Variants in CACNA1D observed in about 807,000 individuals in gnomAD.
The protein encoded by CACNA1D is voltage-dependent L-type calcium channel subunit alpha-1D.
CACNA1D carries 55 observed loss-of-function variants against 257.1 expected under a neutral mutation model. The observed-to-expected ratio is 0.21, with a 90% CI of 0.17 to 0.27. The LOEUF is 0.27. Among genes scored for constraint, CACNA1D ranks in the 10% least tolerant of loss-of-function variants. The pLI, the probability that CACNA1D is intolerant of heterozygous loss-of-function variation, is 1.00. For synonymous variants in CACNA1D, 980 were observed against 1,014.9 expected (o/e 0.97, Z 0.65); for missense variants, 1,876 against 2,784.0 (o/e 0.67, Z 7.34).
At chr3:53,739,339 T>C (rs963666681) in intron 20 of CACNA1D, among the ~76,000 whole-genome samples, 12 of 152,214 alleles carry the variant, frequency 7.9e-5, no homozygotes, top group Non-Finnish European at 1.8e-4. Context: ...CCATAGATCA[T>C]AGTTGTCATG....
intron 32 of CACNA1D, among the ~76,000 whole-genome samples, chr3:53,771,369 G>A (rs1212316913): frequency 6.6e-6 from 1 of 152,180 alleles, no homozygotes; most frequent in Non-Finnish European, 1.5e-5. Flanking sequence ...GCTGTCCAAA[G>A]GTATATAAAG....
chr3:53,665,581 G>A, intron 5 of CACNA1D, 79 bp from the exon 6 acceptor site: 3 of 1,061,200 alleles, frequency 2.8e-6, no homozygotes, highest in African/African-American at 1.6e-5. Context: ...AAGTAAAGGA[G>A]GCATGGTTAG....
chr3:53,769,909 C>T, intron 30 of CACNA1D, 64 bp from the exon 31 acceptor site: 2 of 1,243,430 alleles, frequency 1.6e-6, no homozygotes, highest in Non-Finnish European at 2.4e-6. Context: ...GGGGGAAATG[C>T]TCTCTGGAAC....
chr3:53,516,308 G>A (rs113272852), intron 3 of CACNA1D, among the ~76,000 whole-genome samples: 216 of 152,276 alleles, frequency 1.4e-3, no homozygotes, highest in Middle Eastern at 3.4e-3. Flanking sequence ...TCAGTCACAC[G>A]GCACACCTGT....
chr3:53,809,841 T>C, intron 46 of CACNA1D, 137 bp from the exon 47 acceptor site: 3 of 784,464 alleles, frequency 3.8e-6, no homozygotes, highest in South Asian at 1.4e-5. Context: ...CGTACTTCAG[T>C]GTGCCCATGT....
At chr3:53,612,844 A>G (rs574753925) in intron 3 of CACNA1D, among the ~76,000 whole-genome samples, 1 of 152,194 alleles carries the variant, frequency 6.6e-6, no homozygotes, top group Non-Finnish European at 1.5e-5. Context: ...TACAGTCTTC[A>G]CTGTCTGTCG....
At chr3:53,785,451 G>A (rs1302974857) in intron 39 of CACNA1D, 4 of 152,182 alleles carry the variant, frequency 2.6e-5, no homozygotes, top group African/African-American at 7.2e-5. Flanking sequence ...AAGGAGGCCC[G>A]GGCATCTCCA....
intron 3 of CACNA1D, among the ~76,000 whole-genome samples, chr3:53,510,942 G>GT (rs1276758143): frequency 2.6e-5 from 4 of 152,140 alleles, no homozygotes; most frequent in African/African-American, 9.7e-5. Flanking sequence ...AGATACTATT[G>GT]TTTCTTTTGA....
At chr3:53,504,610 C>T (rs1311316561) in intron 3 of CACNA1D, among the ~76,000 whole-genome samples, 1 of 152,114 alleles carries the variant, frequency 6.6e-6, no homozygotes, top group Admixed American at 6.5e-5. Flanking sequence ...TCAGTTCCCA[C>T]AGTAATAGCC....
intron 21 of CACNA1D, 33 bp downstream of exon 21, chr3:53,740,372 A>G (rs774051778): frequency 7.1e-7 from 1 of 1,412,136 alleles, no homozygotes; most frequent in South Asian, 1.1e-5. Flanking sequence ...CACATACTCC[A>G]CAGCAGCTGG....
At chr3:53,516,144 G>A (rs542629278) in intron 3 of CACNA1D, among the ~76,000 whole-genome samples, 5 of 152,280 alleles carry the variant, frequency 3.3e-5, no homozygotes, top group Admixed American at 1.3e-4. Context: ...AATAATGTGC[G>A]AGGGAGCTCT....
chr3:53,806,063 CTCAT>C (rs2095563736), intron 45 of CACNA1D, among the ~76,000 whole-genome samples: 1 of 145,492 alleles, frequency 6.9e-6, no homozygotes, highest in Non-Finnish European at 1.5e-5. Flanking sequence ...CTCCTCCTCC[CTCAT>C]TTTCTCTCAT....
At position 53,775,927 on chromosome 3, in the gene CACNA1D, G is replaced by A. The variant is rs1473291517; in HGVS notation, c.4244G>A (p.Cys1415Tyr). The change falls in exon 35 of 48, where the codon TGT becomes TAT. Residue 1415 changes from cysteine (C) to tyrosine (Y), a missense_variant. Physicochemically the swap from Cys to Tyr is radical, Grantham distance 194 (BLOSUM62 -2). Coordinates refer to ENST00000350061, the MANE Select transcript of CACNA1D (RefSeq NM_001128840.3). ...GEAWQEIMLACLPGKLCDPES... is the reference protein window; with the variant it reads ...GEAWQEIMLAYLPGKLCDPES... The stretch of plus-strand genomic sequence containing the variant: ...GCCTGGCAGGAGATCATGCTGGCCT[G>A]TCTCCCAGGGAAGCTCTGTGACCCT... 1 of 1,614,078 alleles carries A rather than the reference G, an allele frequency of 6.2e-7. No individual in the cohort carries two copies. Among genetic ancestry groups the A allele is most frequent in the Non-Finnish European group, 8.5e-7 (1 of 1,180,010 alleles).
intron 40 of CACNA1D, chr3:53,799,927 C>T (rs941123477): frequency 1.5e-5 from 6 of 401,566 alleles, no homozygotes; most frequent in Non-Finnish European, 2.4e-5. Flanking sequence ...AAGACTGTCA[C>T]TGAGACAGGG....
intron 3 of CACNA1D, among the ~76,000 whole-genome samples, chr3:53,574,827 G>A (rs1301227168): frequency 6.6e-6 from 1 of 152,192 alleles, no homozygotes; most frequent in Non-Finnish European, 1.5e-5. Flanking sequence ...CAGCCAGAGA[G>A]CCCAAAGTAA....
chr3:53,806,002 C>T (rs1158937260), intron 45 of CACNA1D, among the ~76,000 whole-genome samples: 1 of 142,462 alleles, frequency 7.0e-6, no homozygotes, highest in African/African-American at 2.7e-5. Context: ...CCTCCCTCAT[C>T]TTCCCTCCTC....
intron 3 of CACNA1D, among the ~76,000 whole-genome samples, chr3:53,566,171 G>T (rs182069883): frequency 3.3e-5 from 5 of 152,314 alleles, no homozygotes; most frequent in Admixed American, 1.3e-4. Flanking sequence ...TCAGTCTGAA[G>T]TCTTCCCAGC....
intron 19 of CACNA1D, 29 bp downstream of exon 19, chr3:53,732,991 G>C: frequency 1.2e-6 from 2 of 1,612,724 alleles, no homozygotes; most frequent in Non-Finnish European, 1.7e-6. Context: ...GTCTCTCACG[G>C]CTGCCTCTTG....
rs1006178111 is a variant in CACNA1D, at chr3:53,723,101, C to T, written c.1667-333C>T. Among the ~76,000 whole-genome samples the T allele has an allele frequency of 1.3e-5, 2 of 152,136 alleles. No individual in the cohort carries two copies. The highest frequency in any genetic ancestry group is 2.4e-5 in the African/African-American group (1 of 41,410). On this transcript the variant is annotated intron_variant, in intron 12 of 47. Transcript: ENST00000350061. This position sits in a 1 kb window ranked among gnomAD's most constrained non-coding sequence, Gnocchi z 5.6. Reference sequence around the variant, plus strand: ...AATATGTATAACCTGATGGTGTCAACGCAGAATCGTAGGCTTTTAGGGCTG... The same window carrying T: ...AATATGTATAACCTGATGGTGTCAATGCAGAATCGTAGGCTTTTAGGGCTG...
Sources: gnomAD v4.1 joint callset for allele counts (sites outside exome capture counted in the v4.1 genomes callset) on GRCh38, gnomAD v4.1.1 for gene constraint, Gnocchi (gnomAD v3.1) non-coding constraint, MANE v1.5 for transcripts, NCBI Gene and HGNC (gene_info 2026-07-23, HGNC 2026-07-21) for gene names.